The following PRKG1 variants were observed in gnomAD, a reference collection of about 807,000 sequenced individuals.
The protein encoded by PRKG1 is cGMP-dependent protein kinase 1.
PRKG1 carries 35 observed loss-of-function variants against 88.1 expected under a neutral mutation model. The ratio of observed to expected loss-of-function variants is 0.40; its 90% confidence interval spans 0.30 to 0.53. The LOEUF (loss-of-function observed/expected upper bound fraction) is 0.53. Among genes scored for constraint, PRKG1 ranks in the 20% least tolerant of loss-of-function variants. PRKG1 has a pLI of 0.59. For synonymous variants in PRKG1, 303 were observed against 292.5 expected, an observed-to-expected ratio of 1.04 and a Z score of -0.37; for missense variants, 540 against 839.8, an observed-to-expected ratio of 0.64 and a Z score of 4.41.
intron 8 of PRKG1, among the ~76,000 whole-genome samples, chr10:52,148,472 A>ATCTTAAACAAGAACATT (rs1837793087): frequency 6.6e-6 from 1 of 152,220 alleles, no homozygotes; most frequent in Non-Finnish European, 1.5e-5. Flanking sequence ...AACTGAACAT[A>ATCTTAAACAAGAACATT]TCTTAAACAA....
chr10:52,075,025 ATTT>A (rs1846594291), intron 7 of PRKG1, among the ~76,000 whole-genome samples: 1 of 152,254 alleles, frequency 6.6e-6, no homozygotes, highest in East Asian at 1.9e-4. Context: ...GTGCAAGATT[ATTT>A]TTAGAATATT....
At chr10:51,726,982 T>C (rs1235118534) in intron 3 of PRKG1, among the ~76,000 whole-genome samples, 2 of 151,966 alleles carry the variant, frequency 1.3e-5, no homozygotes, top group Non-Finnish European at 2.9e-5. Context: ...GGTTTCACCA[T>C]ATTAGCCAAG....
chr10:52,272,876 T>G (rs188187593), intron 12 of PRKG1, among the ~76,000 whole-genome samples: 1 of 152,212 alleles, frequency 6.6e-6, no homozygotes, highest in African/African-American at 2.4e-5. Flanking sequence ...TTTTTCCAGA[T>G]AGGCAGTTTG....
intron 1 of PRKG1, among the ~76,000 whole-genome samples, chr10:51,022,753 A>G (rs1036990673): frequency 6.6e-6 from 1 of 152,260 alleles, no homozygotes; most frequent in African/African-American, 2.4e-5. Context: ...TAACAAATAT[A>G]GAAGTGTATA....
At chr10:51,153,090 T>C in intron 1 of PRKG1, 74 bp from the exon 2 acceptor site, 1 of 1,393,386 alleles carries the variant, frequency 7.2e-7, no homozygotes, top group Non-Finnish European at 9.8e-7. Flanking sequence ...GAGCACTCTA[T>C]GGCGCTGCTA....
chr10:51,835,866 G>A (rs1167155983), intron 4 of PRKG1, among the ~76,000 whole-genome samples: 1 of 151,928 alleles, frequency 6.6e-6, no homozygotes, highest in Non-Finnish European at 1.5e-5. Context: ...AGTATACAAG[G>A]GTTTTCTTCA....
chr10:51,567,648 T>C (rs1767727127), intron 3 of PRKG1, among the ~76,000 whole-genome samples: 1 of 152,026 alleles, frequency 6.6e-6, no homozygotes, highest in African/African-American at 2.4e-5. Context: ...AGACAGTGAG[T>C]TGATCTCGGC....
intron 2 of PRKG1, among the ~76,000 whole-genome samples, chr10:51,348,564 T>C (rs1433908963): frequency 6.6e-6 from 1 of 152,202 alleles, no homozygotes; most frequent in Non-Finnish European, 1.5e-5. Context: ...GTTTATTCAC[T>C]GAAGAAATAA....
At chr10:51,821,630 A>C (rs1589319955) in intron 4 of PRKG1, among the ~76,000 whole-genome samples, 1 of 152,194 alleles carries the variant, frequency 6.6e-6, no homozygotes, top group African/African-American at 2.4e-5. Context: ...CTATATATTT[A>C]TATTTAGCAC....
chr10:51,828,956 A>C (rs1479987644), intron 4 of PRKG1, among the ~76,000 whole-genome samples: 1 of 152,198 alleles, frequency 6.6e-6, no homozygotes, highest in African/African-American at 2.4e-5. Context: ...AACATTTATC[A>C]TCACGCAGTT....
chr10:52,167,384 C>A (rs1373322554), intron 9 of PRKG1, among the ~76,000 whole-genome samples: 1 of 152,108 alleles, frequency 6.6e-6, no homozygotes, highest in Non-Finnish European at 1.5e-5. Context: ...CCCATCAGGC[C>A]CAACCTCCAG....
At chr10:52,161,757 A>C (rs1016304114) in intron 8 of PRKG1, 132 bp from the exon 9 acceptor site, 8 of 718,736 alleles carry the variant, frequency 1.1e-5, no homozygotes, top group Non-Finnish European at 1.9e-5. Flanking sequence ...GCTTCTTATT[A>C]ATGTACTTAG....
At chr10:52,248,043 C>T (rs1023051691) in intron 9 of PRKG1, among the ~76,000 whole-genome samples, 77 of 152,342 alleles carry the variant, frequency 5.1e-4, no homozygotes, top group African/African-American at 1.8e-3. Context: ...TAAAGAAATA[C>T]GTTGGGCTAG....
chr10:52,148,744 T>G (rs887838361), intron 8 of PRKG1, among the ~76,000 whole-genome samples: 3 of 152,078 alleles, frequency 2.0e-5, no homozygotes, highest in African/African-American at 7.2e-5. Context: ...GAACCTCAGA[T>G]AGCTCACCGA....
chr10:51,967,270 A>T (rs1403581837), intron 5 of PRKG1, among the ~76,000 whole-genome samples: 2 of 152,166 alleles, frequency 1.3e-5, no homozygotes, highest in Admixed American at 6.5e-5. Context: ...AGGGACATGG[A>T]TGAAGCTGGA....
intron 4 of PRKG1, among the ~76,000 whole-genome samples, chr10:51,902,946 A>G (rs903454180): frequency 6.6e-6 from 1 of 152,200 alleles, no homozygotes; most frequent in African/African-American, 2.4e-5. Context: ...CCCAGACCAC[A>G]TTTTGAGAAC....
At chr10:51,669,298 C>T (rs989966764) in intron 3 of PRKG1, among the ~76,000 whole-genome samples, 1 of 152,152 alleles carries the variant, frequency 6.6e-6, no homozygotes, top group Non-Finnish European at 1.5e-5. Flanking sequence ...GCTGCTGTGT[C>T]TTCCTATGGT....
chr10:51,386,705 CA>C (rs893760352), intron 2 of PRKG1, among the ~76,000 whole-genome samples: 3 of 152,056 alleles, frequency 2.0e-5, no homozygotes, highest in Admixed American at 1.3e-4. Context: ...GAGACACACC[CA>C]AAAAATGTTT....
intron 2 of PRKG1, among the ~76,000 whole-genome samples, chr10:51,389,406 C>G (rs980919757): frequency 6.6e-6 from 1 of 152,084 alleles, no homozygotes; most frequent in African/African-American, 2.4e-5. Flanking sequence ...ATTCAAACAC[C>G]GATCATTCTT....
Sources: gnomAD v4.1 joint callset for allele counts (sites outside exome capture counted in the v4.1 genomes callset) on GRCh38, gnomAD v4.1.1 for gene constraint, MANE v1.5 for transcripts, NCBI Gene and HGNC (gene_info 2026-07-23, HGNC 2026-07-21) for gene names.